SUPT6H: variants seen among roughly 807,000 people sequenced by gnomAD.
SUPT6H encodes the protein transcription elongation factor SPT6.
Under a neutral mutation model 222.3 loss-of-function variants are expected in SUPT6H, and 11 were observed. That is an observed-to-expected ratio of 0.05 (90% CI 0.03 to 0.08). The LOEUF is 0.08. SUPT6H is among the 10% of genes least tolerant of loss of function. The pLI is 1.00. For synonymous variants in SUPT6H, 762 were observed against 801.2 expected (o/e 0.95, Z 0.83); for missense variants, 1,422 against 2,216.0 (o/e 0.64, Z 7.19).
At chr17:28,700,682 A>G (rs1408560923) in intron 35 of SUPT6H, 170 bp downstream of exon 35, 2 of 1,039,310 alleles carry the variant, frequency 1.9e-6, no homozygotes, top group African/African-American at 3.2e-5. Context: ...AGAGGGTAAG[A>G]GAGGGCATAA....
rs1186152007 is a variant in SUPT6H at position 28,684,690 on chromosome 17, C to T, written c.2334C>T (p.Gly778=). Residue 778 remains glycine, a synonymous_variant, in exon 18 of 37, where the codon GGC becomes GGT. Coordinates refer to ENST00000314616, the MANE Select transcript of SUPT6H (RefSeq NM_003170.5). ...DDFMDENQGK[G]IRVLGIAFSS... ...TTATGGACGAGAACCAAGGGAAGGG[C>T]ATTCGAGTCCTCGGCATTGCTTTCT... 2 of 1,614,222 alleles carry T rather than the reference C, an allele frequency of 1.2e-6. No individual in the cohort carries two copies. The highest frequency in any genetic ancestry group is 1.7e-6 in the Non-Finnish European group (2 of 1,180,050).
rs746202456 is a variant in SUPT6H at position 28,700,332 on chromosome 17, C to G, written c.4640-14C>G. ...ACCTCTAACATGCCCCTCCCCACCTCTGTGTGCTTACAGATCTGACACGGG... is the reference window on the plus strand; with the variant it reads ...ACCTCTAACATGCCCCTCCCCACCTGTGTGTGCTTACAGATCTGACACGGG... On this transcript the variant is annotated splice_polypyrimidine_tract_variant and intron_variant, in intron 34 of 36. Transcript: ENST00000314616. 4 of 1,614,028 alleles carry G rather than the reference C, an allele frequency of 2.5e-6. No homozygotes were observed. The Admixed American group carries it at 5.0e-5, about 20-fold the overall frequency.
chr17:28,690,885 C>T, intron 26 of SUPT6H, 36 bp from the exon 27 acceptor site: 1 of 1,604,828 alleles, frequency 6.2e-7, no homozygotes, highest in Non-Finnish European at 8.5e-7. Context: ...TCCACATTCT[C>T]TGAGCCTGCT....
chr17:28,676,433 A>G lies in SUPT6H; in HGVS notation c.897+3A>G, dbSNP rs2030749368. The stretch of plus-strand genomic sequence containing the variant: ...CTGACCTGCCTGAGAGGTTCCAGGT[A>G]AAAAACCACCAGCCTCTGCTCTTCT... On this transcript the variant is annotated splice_donor_region_variant and intron_variant, in intron 7 of 36. Coordinates refer to ENST00000314616, the MANE Select transcript of SUPT6H (RefSeq NM_003170.5). 3 of 1,613,508 alleles carry G rather than the reference A, an allele frequency of 1.9e-6. No homozygotes were observed. The highest frequency in any genetic ancestry group is 2.5e-6 in the Non-Finnish European group (3 of 1,179,996).
intron 1 of SUPT6H, among the ~76,000 whole-genome samples, chr17:28,671,883 A>G (rs2030436576): frequency 1.3e-5 from 2 of 152,186 alleles, no homozygotes; most frequent in South Asian, 4.1e-4. Context: ...CATGTCCAAT[A>G]ATTTGCTTAA....
intron 19 of SUPT6H, among the ~76,000 whole-genome samples, chr17:28,685,617 G>A (rs1459471385): frequency 2.0e-5 from 3 of 151,974 alleles, no homozygotes; most frequent in African/African-American, 7.2e-5. Flanking sequence ...CCAAGTAGCT[G>A]GGACCAGAGG....
chr17:28,682,832 A>T lies in SUPT6H; in HGVS notation c.1703A>T (p.Glu568Val). 3 of 1,614,132 alleles carry T rather than the reference A, an allele frequency of 1.9e-6. No homozygotes were observed. The highest frequency in any genetic ancestry group is 1.7e-6 in the Non-Finnish European group (2 of 1,180,034). Residue 568 changes from glutamate to valine, a missense_variant, in exon 14 of 37, where the codon GAG (glutamate) becomes GTG (valine). Around this residue, in one of 13 missense-constraint regions of SUPT6H, gnomAD observed 121 missense variants for 158.0 expected, o/e 0.77. Coordinates refer to ENST00000314616, the MANE Select transcript of SUPT6H (RefSeq NM_003170.5). The part of the protein sequence containing the change: ...ETEQFPAEPL[E>V]LAKDYVCSQF... ...GAGCAGTTTCCCGCGGAGCCCTTGGAGCTGGCCAAGGATTACGTTTGCAGG... is the reference window on the plus strand; with the variant it reads ...GAGCAGTTTCCCGCGGAGCCCTTGGTGCTGGCCAAGGATTACGTTTGCAGG...
chr17:28,698,373 A>AC (rs1406093974), intron 32 of SUPT6H, among the ~76,000 whole-genome samples: 1 of 152,104 alleles, frequency 6.6e-6, no homozygotes, highest in Non-Finnish European at 1.5e-5. Context: ...CACCTGCCTC[A>AC]CCCTCACCAG....
chr17:28,675,207 G>A, intron 5 of SUPT6H, 45 bp downstream of exon 5: 3 of 1,565,042 alleles, frequency 1.9e-6, no homozygotes, highest in Non-Finnish European at 2.6e-6. Flanking sequence ...ATGGGTATTG[G>A]GATTTCCTGG....
In SUPT6H at chr17:28,676,526, A is replaced by G. The variant is rs952148213; in HGVS notation, c.897+96A>G. On this transcript the variant is annotated intron_variant, in intron 7 of 36. Transcript: ENST00000314616. ...AAGTCTGGCATTGAGTATCCAGCACAGGTTTGAACCTCATCTCACCTGGGG... is the reference window on the plus strand; with the variant it reads ...AAGTCTGGCATTGAGTATCCAGCACGGGTTTGAACCTCATCTCACCTGGGG... The G allele has an allele frequency of 5.7e-6, 9 of 1,568,682 alleles. No individual in the cohort carries two copies. In the African/African-American group the frequency reaches 9.5e-5, roughly 17 times the overall value.
intron 11 of SUPT6H, 131 bp from the exon 12 acceptor site, chr17:28,681,125 A>G: frequency 1.1e-6 from 1 of 892,604 alleles, no homozygotes; most frequent in African/African-American, 1.7e-5. Flanking sequence ...TAGTAATAAT[A>G]ATTGGAAAAA....
At chr17:28,696,529 A>G (rs1394102930) in intron 29 of SUPT6H, among the ~76,000 whole-genome samples, 1 of 148,704 alleles carries the variant, frequency 6.7e-6, no homozygotes, top group Non-Finnish European at 1.5e-5. Context: ...GAGAAGTTGC[A>G]GTGAGCCAGA....
At chr17:28,680,671 G>C (rs1196072591) in intron 11 of SUPT6H, among the ~76,000 whole-genome samples, 3 of 151,906 alleles carry the variant, frequency 2.0e-5, no homozygotes, top group Non-Finnish European at 4.4e-5. Flanking sequence ...TTTTTGTTTT[G>C]AGAGGAGTCT....
In SUPT6H at chr17:28,687,359, G is replaced by T. The variant is rs770246891; in HGVS notation, c.2894G>T (p.Arg965Leu). 2 of 1,614,162 alleles carry T rather than the reference G, an allele frequency of 1.2e-6. No individual in the cohort carries two copies. Among genetic ancestry groups the T allele is most frequent in the Non-Finnish European group, 1.7e-6 (2 of 1,180,024 alleles). Residue 965 changes from arginine to leucine, a missense_variant, in exon 23 of 37, where the codon CGA becomes CTA. Physicochemically the swap from Arg to Leu is moderately radical, Grantham distance 102 (BLOSUM62 -2). Around this residue, in one of 13 missense-constraint regions of SUPT6H, gnomAD observed 294 missense variants for 382.1 expected, o/e 0.77. Coordinates refer to ENST00000314616, the MANE Select transcript of SUPT6H (RefSeq NM_003170.5). ...GCCTTGTACTGTGAATTTATCAACC[G>T]AGTCAATGAGGTCGGGGTCGATGTC... is the stretch of plus-strand genomic sequence containing the variant. ...LNALYCEFIN[R>L]VNEVGVDVNR...
intron 2 of SUPT6H, among the ~76,000 whole-genome samples, chr17:28,674,027 A>G (rs2030589049): frequency 6.6e-6 from 1 of 152,220 alleles, no homozygotes; most frequent in Non-Finnish European, 1.5e-5. Context: ...TCTAGTAATG[A>G]TTTTGAGAAG....
chr17:28,663,827 C>CCTTTTT (rs1567681347), intron 1 of SUPT6H, among the ~76,000 whole-genome samples: 3 of 8,404 alleles, frequency 3.6e-4, no homozygotes, highest in African/African-American at 6.6e-4. Context: ...CTGCCCACTC[C>CCTTTTT]ATTTTTTTTT....
At chr17:28,696,529 A>T (rs1394102930) in intron 29 of SUPT6H, among the ~76,000 whole-genome samples, 2 of 148,704 alleles carry the variant, frequency 1.3e-5, no homozygotes, top group Non-Finnish European at 3.0e-5. Flanking sequence ...GAGAAGTTGC[A>T]GTGAGCCAGA....
intron 36 of SUPT6H, 60 bp downstream of exon 36, chr17:28,701,188 G>A (rs2032115333): frequency 2.6e-6 from 4 of 1,541,000 alleles, no homozygotes; most frequent in Non-Finnish European, 2.6e-6. Flanking sequence ...TTGTCAAGAG[G>A]CCGAAAGGCT....
intron 32 of SUPT6H, 59 bp downstream of exon 32, chr17:28,698,089 G>A: frequency 6.4e-7 from 1 of 1,573,384 alleles, no homozygotes; most frequent in Non-Finnish European, 8.6e-7. Context: ...CTAGAAGGCA[G>A]GGAGAGGCCC....
Sources: allele counts gnomAD v4.1 joint callset (sites outside exome capture counted in the v4.1 genomes callset), GRCh38; gene constraint gnomAD v4.1.1; regional missense constraint gnomAD v4.1.1; transcripts MANE v1.5; gene names NCBI Gene and HGNC (gene_info 2026-07-23, HGNC 2026-07-21).